NKAIN2: variants seen among roughly 807,000 people sequenced by gnomAD.
The protein encoded by NKAIN2 is sodium/potassium-transporting ATPase subunit beta-1-interacting protein 2.
Under a neutral mutation model 32.6 loss-of-function variants are expected in NKAIN2, and 14 were observed. The ratio of observed to expected loss-of-function variants is 0.43; its 90% CI spans 0.28 to 0.67. NKAIN2 has a LOEUF of 0.67. Ranked by LOEUF, NKAIN2 falls within the 30% of genes least tolerant of loss-of-function variation. The pLI, the probability that NKAIN2 is intolerant of heterozygous loss-of-function variation, is 0.17. For missense variants in NKAIN2, 198 were observed against 258.3 expected (o/e 0.77, Z 1.60); for synonymous variants, 80 against 87.2 (o/e 0.92, Z 0.46).
At position 124,573,119 on chromosome 6, in the gene NKAIN2, C is replaced by T. The variant is rs534512096; in HGVS notation, c.274-85067C>T. ...CCTCCCAAAGTGCTGGGATTACAAG[C>T]GTGAGCCACCACGCCCGGCCAAAAA... On this transcript the variant is annotated intron_variant, in intron 3 of 6. Transcript: ENST00000368417. Among the ~76,000 whole-genome samples, 76 of 152,240 alleles carry T rather than the reference C, an allele frequency of 5.0e-4. 1 individual carries two copies. The highest frequency in any genetic ancestry group is 8.8e-4 in the Non-Finnish European group (60 of 68,014).
At chr6:123,953,500 G>C (rs976303170) in intron 1 of NKAIN2, among the ~76,000 whole-genome samples, 3 of 152,158 alleles carry the variant, frequency 2.0e-5, no homozygotes, top group African/African-American at 7.2e-5. Flanking sequence ...GTCCATGGTG[G>C]TGTTGTTAGT....
intron 2 of NKAIN2, among the ~76,000 whole-genome samples, chr6:124,289,320 A>C (rs1289402346): frequency 2.0e-5 from 3 of 152,084 alleles, no homozygotes; most frequent in South Asian, 4.1e-4. Flanking sequence ...AGATTGATGT[A>C]CATCCTCCTT....
intron 1 of NKAIN2, among the ~76,000 whole-genome samples, chr6:124,137,660 T>C (rs1786886240): frequency 6.6e-6 from 1 of 151,950 alleles, no homozygotes; most frequent in Admixed American, 6.6e-5. Context: ...AATAAAAAGA[T>C]AGGTATATAG....
At chr6:124,373,514 G>T (rs1248697848) in intron 3 of NKAIN2, among the ~76,000 whole-genome samples, 2 of 152,128 alleles carry the variant, frequency 1.3e-5, no homozygotes, top group African/African-American at 2.4e-5. Flanking sequence ...TGTAAATAGA[G>T]ATTAAAGGCA....
At chr6:124,394,973 A>G (rs1005396684) in intron 3 of NKAIN2, among the ~76,000 whole-genome samples, 1 of 148,750 alleles carries the variant, frequency 6.7e-6, no homozygotes, top group East Asian at 1.9e-4. Flanking sequence ...GAGTGATAAT[A>G]TGGGCTTGGA....
At position 124,453,347 on chromosome 6, in the gene NKAIN2, A is replaced by ACACACACACACACG. The variant is rs1214931115; in HGVS notation, c.273+98013_273+98014insGCACACACACACAC. On this transcript the variant is annotated intron_variant, in intron 3 of 6. Coordinates refer to ENST00000368417, the MANE Select transcript of NKAIN2 (RefSeq NM_001040214.3). ...AACACACACACACACACACACACAC[A>ACACACACACACACG]CACACACACACACACACACACAGTT... is the stretch of plus-strand genomic sequence containing the variant. 3.5e-4 allele frequency among the ~76,000 whole-genome samples: 45 copies of ACACACACACACACG among 127,134 alleles called. 1 individual carries two copies. The highest frequency in any genetic ancestry group is 1.2e-3 in the African/African-American group (44 of 37,176). The allele number at this position is 127,134 out of a possible 152,430, so 83.4% of individuals were successfully genotyped here. A position where few individuals can be genotyped will look rare whatever the true frequency, so the allele number is the denominator to read the frequency against.
chr6:124,208,753 T>G (rs1791022847), intron 1 of NKAIN2, among the ~76,000 whole-genome samples: 1 of 128,158 alleles, frequency 7.8e-6, no homozygotes, highest in African/African-American at 2.6e-5. Flanking sequence ...ATTCCCTCAA[T>G]GCATGCAGAA....
chr6:124,729,709 G>T (rs1776553722), intron 4 of NKAIN2, among the ~76,000 whole-genome samples: 1 of 150,496 alleles, frequency 6.6e-6, no homozygotes, highest in Non-Finnish European at 1.5e-5. Flanking sequence ...TTCTGGCCAG[G>T]GCAATTAGGC....
chr6:124,773,903 T>A (rs1353971237), intron 4 of NKAIN2, among the ~76,000 whole-genome samples: 1 of 152,184 alleles, frequency 6.6e-6, no homozygotes, highest in Admixed American at 6.5e-5. Context: ...CATGGGCTTC[T>A]ATTTTCAAGT....
intron 1 of NKAIN2, among the ~76,000 whole-genome samples, chr6:123,947,058 C>G (rs1777096390): frequency 6.6e-6 from 1 of 152,216 alleles, no homozygotes; most frequent in Admixed American, 6.5e-5. Flanking sequence ...TTCCTACATT[C>G]AGGAACAGGA....
chr6:124,239,393 A>T (rs1332420158), intron 1 of NKAIN2, among the ~76,000 whole-genome samples: 2 of 152,148 alleles, frequency 1.3e-5, no homozygotes, highest in Non-Finnish European at 2.9e-5. Context: ...AACCAAGCAG[A>T]CCTAATAGAC....
At chr6:124,008,733 G>C (rs1022106) in intron 1 of NKAIN2, among the ~76,000 whole-genome samples, 73,112 of 151,946 alleles carry the variant, frequency 0.48, 17,832 homozygotes, top group Middle Eastern at 0.53. Context: ...GTTTGTCATC[G>C]TGATAAGTGA....
rs542171527 is a variant in NKAIN2, at chr6:123,934,637, G to A, written c.54+130383G>A. 3.9e-5 allele frequency among the ~76,000 whole-genome samples: 6 copies of A among 152,098 alleles called. No homozygotes were observed. In the South Asian group the frequency reaches 1.0e-3, roughly 26 times the overall value. ...ATGCTAGGATCTAAGAGTTATGATA[G>A]TTCCTAGAAAATCTTAAGGAATAAA... On this transcript the variant is annotated intron_variant, in intron 1 of 6. Transcript: ENST00000368417.
chr6:124,625,069 A>C (rs1756350985), intron 3 of NKAIN2, among the ~76,000 whole-genome samples: 1 of 152,152 alleles, frequency 6.6e-6, no homozygotes, highest in African/African-American at 2.4e-5. Flanking sequence ...AGTAGGAAGA[A>C]CAAGTCATTT....
At chr6:124,764,884 CA>C (rs1277160077) in intron 4 of NKAIN2, among the ~76,000 whole-genome samples, 1 of 152,064 alleles carries the variant, frequency 6.6e-6, no homozygotes, top group Admixed American at 6.6e-5. Context: ...AAAACCTATT[CA>C]TTCTCTTGAT....
chr6:123,880,538 T>C (rs1032202609), intron 1 of NKAIN2, among the ~76,000 whole-genome samples: 2 of 152,150 alleles, frequency 1.3e-5, no homozygotes, highest in Non-Finnish European at 2.9e-5. Flanking sequence ...GATGGTCCAC[T>C]AGCCACTGCC....
intron 1 of NKAIN2, among the ~76,000 whole-genome samples, chr6:123,921,578 G>A (rs1441814410): frequency 6.6e-6 from 1 of 152,164 alleles, no homozygotes; most frequent in Non-Finnish European, 1.5e-5. Flanking sequence ...TCATTACTCA[G>A]AGGGCGTAAT....
intron 1 of NKAIN2, among the ~76,000 whole-genome samples, chr6:123,903,852 A>T (rs1774724572): frequency 6.6e-6 from 1 of 152,046 alleles, no homozygotes; most frequent in South Asian, 2.1e-4. Context: ...TGCCTTGAAA[A>T]TTGGCAGCTG....
In NKAIN2 at chr6:124,323,777, A is replaced by ATTTTCT. The variant is rs1237658485; in HGVS notation, c.193-31486_193-31485insCTTTTT. Among the ~76,000 whole-genome samples the ATTTTCT allele has an allele frequency of 1.4e-3, 157 of 115,508 alleles. 6 individuals carry two copies. Among genetic ancestry groups the ATTTTCT allele is most frequent in the East Asian group, 5.8e-3 (16 of 2,776 alleles). 75.8% of individuals were successfully genotyped at this position (115,508 alleles called of 152,430 possible). A position where few individuals can be genotyped will look rare whatever the true frequency, so the allele number is the denominator to read the frequency against. On this transcript the variant is annotated intron_variant, in intron 2 of 6. Coordinates refer to ENST00000368417, the MANE Select transcript of NKAIN2 (RefSeq NM_001040214.3). ...TGATTTAGCTGTTTCAATTCTTTTA[A>ATTTTCT]TTTTTTCTTTTTTTTTTTTTTTTTT... is the stretch of plus-strand genomic sequence containing the variant.
Sources: gnomAD v4.1 joint callset for allele counts (sites outside exome capture counted in the v4.1 genomes callset) on GRCh38, gnomAD v4.1.1 for gene constraint, MANE v1.5 for transcripts, NCBI Gene and HGNC (gene_info 2026-07-23, HGNC 2026-07-21) for gene names.